Variants in FBXW11 observed in about 807,000 individuals in gnomAD.
FBXW11 encodes the protein F-box/WD repeat-containing protein 11.
In FBXW11, 19 loss-of-function variants were observed where a neutral mutation model predicts 77.6. The observed-to-expected ratio is 0.24, with a 90% CI of 0.17 to 0.36. The LOEUF is 0.36. Ranked by LOEUF, FBXW11 falls within the 10% of genes least tolerant of loss-of-function variation. FBXW11 has a pLI of 1.00. For missense variants in FBXW11, 334 were observed against 704.2 expected, an observed-to-expected ratio of 0.47 and a Z score of 5.95; for synonymous variants, 235 against 249.4, an observed-to-expected ratio of 0.94 and a Z score of 0.54.
At chr5:171,940,526 CAAGAT>C (rs1459471142) in intron 2 of FBXW11, among the ~76,000 whole-genome samples, 1 of 151,990 alleles carries the variant, frequency 6.6e-6, no homozygotes, top group Admixed American at 6.6e-5. Flanking sequence ...TGGGAAAATA[CAAGAT>C]AAGCCTGGAA....
At chr5:171,890,957 C>G (rs1407664466) in intron 7 of FBXW11, among the ~76,000 whole-genome samples, 2 of 152,048 alleles carry the variant, frequency 1.3e-5, no homozygotes. Flanking sequence ...AACATGTTTT[C>G]TTAAATATGA....
At chr5:171,983,566 G>A (rs960762855) in intron 1 of FBXW11, among the ~76,000 whole-genome samples, 2 of 152,028 alleles carry the variant, frequency 1.3e-5, no homozygotes, top group Non-Finnish European at 2.9e-5. Context: ...AGATTGTGTC[G>A]GAATTGAATT....
At chr5:171,916,884 G>GGTTTT (rs1025223948) in intron 2 of FBXW11, among the ~76,000 whole-genome samples, 1 of 151,910 alleles carries the variant, frequency 6.6e-6, no homozygotes, top group Non-Finnish European at 1.5e-5. Flanking sequence ...ATGTATATAT[G>GGTTTT]GTTTTGTTTT....
At chr5:171,903,527 G>A (rs760751804) in intron 4 of FBXW11, among the ~76,000 whole-genome samples, 3 of 152,130 alleles carry the variant, frequency 2.0e-5, no homozygotes, top group Non-Finnish European at 2.9e-5. Flanking sequence ...TGCAGAATCC[G>A]TCAGCCTTCT....
chr5:171,941,743 C>T (rs1238209797), intron 2 of FBXW11, among the ~76,000 whole-genome samples: 2 of 151,312 alleles, frequency 1.3e-5, no homozygotes, highest in African/African-American at 4.8e-5. Flanking sequence ...ATTTCAATGG[C>T]TTGTTTACAT....
rs755745884 is a variant in FBXW11, at chr5:171,904,104, C to T, written c.437-4004G>A. On this transcript the variant is annotated intron_variant, in intron 4 of 13. Transcript: ENST00000517395. This position sits in a 1 kb window ranked among gnomAD's most constrained non-coding sequence, Gnocchi z 4.0. ...TTGAGTCCAGGAGTTTGAGACCAGC[C>T]TGGACAGCATGGCAAAACTCCATCT... is the stretch of plus-strand genomic sequence containing the variant. Among the ~76,000 whole-genome samples the T allele has an allele frequency of 3.3e-5, 5 of 152,100 alleles. No homozygotes were observed. Among genetic ancestry groups the T allele is most frequent in the African/African-American group, 4.8e-5 (2 of 41,396 alleles).
At chr5:171,991,247 G>A (rs1348055731) in intron 1 of FBXW11, among the ~76,000 whole-genome samples, 1 of 152,140 alleles carries the variant, frequency 6.6e-6, no homozygotes, top group African/African-American at 2.4e-5. Context: ...TCAAAACTTA[G>A]TTACAGTGGA....
At chr5:171,865,794 A>T (rs1015164756) in intron 13 of FBXW11, among the ~76,000 whole-genome samples, 2 of 152,218 alleles carry the variant, frequency 1.3e-5, no homozygotes, top group African/African-American at 4.8e-5. Flanking sequence ...ATTTTTTTAA[A>T]AACGACTCCG....
rs1758231802 is a variant in FBXW11, at chr5:171,878,209, G to C, written c.853-80C>G. On this transcript the variant is annotated intron_variant, in intron 7 of 13. Transcript: ENST00000517395. ...ATGTTACTGTCCCACCTTATGTTCT[G>C]ATTATAAAATAAAACACACTTGGGT... 3 of 979,552 alleles carry C rather than the reference G, an allele frequency of 3.1e-6. No individual in the cohort carries two copies. The South Asian group carries it at 4.6e-5, about 15-fold the overall frequency. The allele number at this position is 979,552 out of a possible 1,614,324, so 60.7% of individuals were successfully genotyped here.
chr5:171,983,688 G>A (rs780101329), intron 1 of FBXW11, among the ~76,000 whole-genome samples: 3 of 152,190 alleles, frequency 2.0e-5, no homozygotes, highest in Non-Finnish European at 4.4e-5. Flanking sequence ...CATGACTGCT[G>A]TTGTACTGGT....
intron 2 of FBXW11, among the ~76,000 whole-genome samples, chr5:171,942,411 A>T (rs1281808186): frequency 6.6e-6 from 1 of 152,124 alleles, no homozygotes; most frequent in Non-Finnish European, 1.5e-5. Flanking sequence ...ACTTCTGAAG[A>T]TTACAGACCA....
Position 171,982,430 on chromosome 5 carries a change from C to T in FBXW11, c.45+24028G>A, listed in dbSNP as rs980956671. ...TAGCTGGGATTACAGGAATGCACCA[C>T]CACCCAGCTAATTTTGTATTTTTAG... On this transcript the variant is annotated intron_variant, in intron 1 of 13. Transcript: ENST00000517395. 5.1e-4 allele frequency among the ~76,000 whole-genome samples: 78 copies of T among 152,152 alleles called. 1 individual carries two copies. The highest frequency in any genetic ancestry group is 8.8e-5 in the Non-Finnish European group (6 of 68,034).
chr5:171,899,145 A>G lies in FBXW11; in HGVS notation c.624-51T>C, dbSNP rs769073142. The G allele has an allele frequency of 3.4e-6, 4 of 1,184,112 alleles. No homozygotes were observed. The Admixed American group carries it at 8.6e-5, about 25-fold the overall frequency. 73.4% of individuals were successfully genotyped at this position (1,184,112 alleles called of 1,614,324 possible). A position where few individuals can be genotyped will look rare whatever the true frequency, so the allele number is the denominator to read the frequency against. On this transcript the variant is annotated intron_variant, in intron 5 of 13. Coordinates refer to ENST00000517395, the MANE Select transcript of FBXW11 (RefSeq NM_001378974.1). ...TACATTTTTGCACATAAAAGGGTGA[A>G]TTTTATCTAAACATGGTGCTGACAA...
At chr5:171,878,676 A>G (rs1758299819) in intron 7 of FBXW11, among the ~76,000 whole-genome samples, 1 of 150,308 alleles carries the variant, frequency 6.7e-6, no homozygotes, top group Non-Finnish European at 1.5e-5. Context: ...TGTAGTCCCA[A>G]CTACTCAGGA....
At chr5:171,925,681 C>T (rs1344876725) in intron 2 of FBXW11, among the ~76,000 whole-genome samples, 1 of 152,176 alleles carries the variant, frequency 6.6e-6, no homozygotes, top group Non-Finnish European at 1.5e-5. Context: ...GACAAGATCT[C>T]AGTATGTTGC....
chr5:171,906,867 T>G (rs1189452007), intron 4 of FBXW11, among the ~76,000 whole-genome samples: 1 of 152,184 alleles, frequency 6.6e-6, no homozygotes, highest in African/African-American at 2.4e-5. Flanking sequence ...CCTGGGACTT[T>G]TAATCTAATC....
chr5:171,910,240 A>G (rs1474308376), intron 4 of FBXW11, among the ~76,000 whole-genome samples: 2 of 151,780 alleles, frequency 1.3e-5, no homozygotes, highest in Non-Finnish European at 2.9e-5. Context: ...TAATTTTTGT[A>G]CTTTTAGTAA....
In FBXW11 at chr5:171,862,381, A is replaced by T. The variant is rs1338437598; in HGVS notation, c.*1746T>A. The T allele has an allele frequency of 6.5e-6, 1 of 152,784 alleles. No homozygotes were observed. The highest frequency in any genetic ancestry group is 1.9e-4 in the East Asian group (1 of 5,186). The allele number at this position is 152,784 out of a possible 1,614,324, so 9.5% of individuals were successfully genotyped here. ...CCAACTCAATAAACAAATCACATAC[A>T]CACACACTGATCCCCACACCGTTCT... On this transcript the variant is annotated 3_prime_UTR_variant, in exon 14 of 14. Coordinates refer to ENST00000517395, the MANE Select transcript of FBXW11 (RefSeq NM_001378974.1).
chr5:171,893,737 A>G (rs181528573), intron 6 of FBXW11, among the ~76,000 whole-genome samples: 4 of 152,310 alleles, frequency 2.6e-5, no homozygotes, highest in African/African-American at 4.8e-5. Context: ...CTGGGGGCCC[A>G]CAGAGTTGCT....
Sources: allele counts gnomAD v4.1 joint callset (sites outside exome capture counted in the v4.1 genomes callset), GRCh38; gene constraint gnomAD v4.1.1; non-coding constraint Gnocchi (gnomAD v3.1); transcripts MANE v1.5; gene names NCBI Gene and HGNC (gene_info 2026-07-23, HGNC 2026-07-21).